The following DRICH1 variants were observed in gnomAD, a reference collection of about 807,000 sequenced individuals.
DRICH1 encodes the protein aspartate rich 1.
Under a neutral mutation model 39.5 loss-of-function variants are expected in DRICH1, and 38 were observed. The ratio of observed to expected loss-of-function variants is 0.96; its 90% CI spans 0.74 to 1.26. The LOEUF is 1.26. DRICH1 is among the 50% of genes most tolerant of loss of function. The pLI is 0.00. For missense variants in DRICH1, 279 were observed against 270.4 expected (o/e 1.03, Z -0.22); for synonymous variants, 84 against 99.5 (o/e 0.84, Z 0.93).
chr22:23,592,292 A>G, the DRICH1 span, among the ~76,000 whole-genome samples: 1 of 152,210 alleles, frequency 6.6e-6, no homozygotes, highest in Non-Finnish European at 1.5e-5. Context: ...CAGTCAGGTC[A>G]GGAGGCTGTG....
chr22:23,587,946 T>A, the DRICH1 span, among the ~76,000 whole-genome samples: 2 of 152,116 alleles, frequency 1.3e-5, no homozygotes, highest in African/African-American at 4.8e-5. Context: ...ACCTTCCCTA[T>A]CTGATCAAAT....
At chr22:23,596,463 C>T in the DRICH1 span, among the ~76,000 whole-genome samples, 14 of 152,250 alleles carry the variant, frequency 9.2e-5, no homozygotes, top group Admixed American at 9.2e-4. Flanking sequence ...ATTTTGTCGC[C>T]CAGGCTGGTT....
the DRICH1 span, among the ~76,000 whole-genome samples, chr22:23,591,440 C>T: frequency 1.3e-5 from 2 of 152,266 alleles, no homozygotes; most frequent in African/African-American, 4.8e-5. Context: ...CTTTCTCCAC[C>T]GACTACAAGG....
At chr22:23,590,759 C>T in the DRICH1 span, among the ~76,000 whole-genome samples, 16 of 152,014 alleles carry the variant, frequency 1.1e-4, no homozygotes, top group Admixed American at 3.3e-4. Flanking sequence ...CCACCACGCC[C>T]GGATATATAA....
At position 23,632,202 on chromosome 22, in the gene DRICH1, G is replaced by A. The variant is rs540908422; in HGVS notation, c.-179C>T. 1.4e-4 allele frequency: 137 copies of A among 979,352 alleles called. 1 individual carries two copies. The South Asian group carries it at 2.2e-3, about 16-fold the overall frequency. The allele number at this position is 979,352 out of a possible 1,614,324, so 60.7% of individuals were successfully genotyped here. A position where few individuals can be genotyped will look rare whatever the true frequency, so the allele number is the denominator to read the frequency against. ...CCTCCCAAACTAGCTGGTCTATGAG[G>A]TCAGGGACCTGCTGTCTTCTTTGAA... On this transcript the variant is annotated 5_prime_UTR_variant, in exon 1 of 12. Transcript: ENST00000317749.
Position 23,616,854 on chromosome 22 carries a change from C to T in DRICH1, c.540G>A (p.Gln180=), listed in dbSNP as rs549135381. Residue 180 remains glutamine, a splice_region_variant and synonymous_variant, in exon 8 of 12, where the codon CAG becomes CAA. Transcript: ENST00000317749. The part of the protein sequence containing the change: ...DDAQILPSPV[Q]ACSEDSLFLR... The stretch of plus-strand genomic sequence containing the variant: ...AGTGAGTTAGTTCAAGGTACATACC[C>T]TGGACAGGTGACGGTAAAATCTGCA... 6.2e-7 allele frequency: 1 copy of T among 1,613,956 alleles called. No homozygotes were observed. The highest frequency in any genetic ancestry group is 8.5e-7 in the Non-Finnish European group (1 of 1,179,924).
chr22:23,615,891 C>T (rs1284472287), intron 8 of DRICH1, among the ~76,000 whole-genome samples: 1 of 152,178 alleles, frequency 6.6e-6, no homozygotes, highest in Non-Finnish European at 1.5e-5. Context: ...GTCAAAAATA[C>T]ACAATGGGGA....
intron 6 of DRICH1, 111 bp from the exon 7 acceptor site, chr22:23,617,768 T>G: frequency 9.5e-7 from 1 of 1,049,546 alleles, no homozygotes; most frequent in South Asian, 1.3e-5. Context: ...AAACATGGAC[T>G]GGTTAATGCT....
chr22:23,628,741 A>G (rs1432101134), intron 1 of DRICH1, among the ~76,000 whole-genome samples: 2 of 152,166 alleles, frequency 1.3e-5, no homozygotes, highest in East Asian at 3.9e-4. Flanking sequence ...CTGACCCTGA[A>G]GTCCATCCCT....
At chr22:23,583,719 G>A in the DRICH1 span, 1 of 152,424 alleles carries the variant, frequency 6.6e-6, no homozygotes, top group Admixed American at 6.5e-5. Context: ...GCAGGTAGAG[G>A]GGAAGCCCCT....
At chr22:23,617,718 G>A (rs1927448376) in intron 6 of DRICH1, 61 bp from the exon 7 acceptor site, 8 of 1,526,658 alleles carry the variant, frequency 5.2e-6, no homozygotes, top group Non-Finnish European at 7.3e-6. Flanking sequence ...GTCACTCAGG[G>A]AGCTTTGCTG....
intron 11 of DRICH1, among the ~76,000 whole-genome samples, chr22:23,610,043 T>C (rs1386579562): frequency 6.6e-6 from 1 of 152,022 alleles, no homozygotes; most frequent in Non-Finnish European, 1.5e-5. Flanking sequence ...TGAGGAGCCC[T>C]CTGGTTCTGA....
At chr22:23,585,748 G>A in the DRICH1 span, among the ~76,000 whole-genome samples, 7 of 152,216 alleles carry the variant, frequency 4.6e-5, no homozygotes, top group East Asian at 1.2e-3. Flanking sequence ...TCAAACTTCT[G>A]GCTTCAAATG....
intron 11 of DRICH1, among the ~76,000 whole-genome samples, chr22:23,612,814 A>G (rs1188262644): frequency 6.6e-6 from 1 of 152,170 alleles, no homozygotes; most frequent in East Asian, 1.9e-4. Context: ...GGACAGAAAC[A>G]TGAATGTGCA....
chr22:23,598,584 C>T, the DRICH1 span, among the ~76,000 whole-genome samples: 2 of 152,162 alleles, frequency 1.3e-5, no homozygotes, highest in African/African-American at 2.4e-5. Context: ...TGGAAGAACA[C>T]GCTCTGGGCT....
intron 1 of DRICH1, among the ~76,000 whole-genome samples, chr22:23,631,113 G>A (rs529848906): frequency 4.0e-5 from 6 of 151,846 alleles, no homozygotes; most frequent in East Asian, 1.9e-4. Context: ...CATGTACCTC[G>A]GAACTTAAAA....
chr22:23,602,890 CAT>C, the DRICH1 span, among the ~76,000 whole-genome samples: 803 of 151,984 alleles, frequency 5.3e-3, 2 homozygotes, highest in African/African-American at 0.018. Context: ...TTGTCAAAAA[CAT>C]ATTTATCTTA....
At chr22:23,617,452 G>A (rs78630374) in intron 7 of DRICH1, 123 bp downstream of exon 7, 2 of 1,131,170 alleles carry the variant, frequency 1.8e-6, no homozygotes, top group Non-Finnish European at 2.6e-6. Context: ...CCCCTCTCCT[G>A]GGAAATCTCA....
chr22:23,588,484 A>G, the DRICH1 span, among the ~76,000 whole-genome samples: 126 of 152,350 alleles, frequency 8.3e-4, no homozygotes, highest in Middle Eastern at 3.4e-3. Context: ...TTCAGCCCAC[A>G]GCAGAGAAGT....
Sources: allele counts gnomAD v4.1 joint callset (sites outside exome capture counted in the v4.1 genomes callset), GRCh38; gene constraint gnomAD v4.1.1; transcripts MANE v1.5; gene names NCBI Gene and HGNC (gene_info 2026-07-23, HGNC 2026-07-21).